The following TRAPPC8 variants were observed in gnomAD, a reference collection of about 807,000 sequenced individuals.
TRAPPC8 encodes general sporulation gene 1 homolog.
TRAPPC8 carries 54 observed loss-of-function variants against 174.3 expected under a neutral mutation model. The ratio of observed to expected loss-of-function variants is 0.31; its 90% CI spans 0.25 to 0.39. The LOEUF (loss-of-function observed/expected upper bound fraction) is 0.39. Ranked by LOEUF, TRAPPC8 falls within the 10% of genes least tolerant of loss-of-function variation. TRAPPC8 has a pLI of 1.00. For synonymous variants in TRAPPC8, 630 were observed against 579.9 expected, an observed-to-expected ratio of 1.09 and a Z score of -1.24; for missense variants, 1,531 against 1,699.1, an observed-to-expected ratio of 0.90 and a Z score of 1.74.
intron 4 of TRAPPC8, among the ~76,000 whole-genome samples, chr18:31,915,119 T>C (rs2145527067): frequency 6.6e-6 from 1 of 152,306 alleles, no homozygotes; most frequent in South Asian, 2.1e-4. Context: ...ACAAGTGTTT[T>C]TGTACAGACT....
At chr18:31,853,465 A>T (rs2033822310) in intron 22 of TRAPPC8, among the ~76,000 whole-genome samples, 1 of 152,038 alleles carries the variant, frequency 6.6e-6, no homozygotes, top group African/African-American at 2.4e-5. Context: ...ACAGGGTTTT[A>T]CCATGTTGGC....
intron 19 of TRAPPC8, among the ~76,000 whole-genome samples, chr18:31,858,239 C>A (rs1383504965): frequency 2.2e-5 from 2 of 92,016 alleles, no homozygotes; most frequent in African/African-American, 8.7e-5. Context: ...CACAAGAGGG[C>A]TAACATGTCA....
chr18:31,851,202 A>G (rs929499837), intron 24 of TRAPPC8, among the ~76,000 whole-genome samples: 1 of 152,178 alleles, frequency 6.6e-6, no homozygotes, highest in Non-Finnish European at 1.5e-5. Flanking sequence ...CAGATTCAGC[A>G]TTTTTCAAAG....
rs781685070 is a variant in TRAPPC8 at position 31,857,809 on chromosome 18, T to C, written c.2919A>G (p.Ser973=). The change falls in exon 20 of 29, where the codon TCA becomes TCG. Residue 973 remains serine (S), a synonymous_variant. Transcript: ENST00000283351. ...TGTAAGCACTACAATTCTCAGAAGC[T>C]GAGGGACTTAGTGGTGTTAGAACAG... ...NTAVLTPLSP[S]ASENCSAYKT... 6.2e-7 allele frequency: 1 copy of C among 1,614,184 alleles called. No homozygotes were observed. The highest frequency in any genetic ancestry group is 8.5e-7 in the Non-Finnish European group (1 of 1,180,032).
chr18:31,938,821 C>T (rs2038208322), intron 1 of TRAPPC8, among the ~76,000 whole-genome samples: 1 of 152,144 alleles, frequency 6.6e-6, no homozygotes, highest in African/African-American at 2.4e-5. Context: ...GTGGCTCATG[C>T]CTGTAATCCC....
At chr18:31,924,327 G>A (rs1479657125) in intron 2 of TRAPPC8, among the ~76,000 whole-genome samples, 1 of 150,990 alleles carries the variant, frequency 6.6e-6, no homozygotes, top group Admixed American at 6.6e-5. Context: ...CGTGGTGGGC[G>A]CCTGTAATCC....
chr18:31,874,324 AGATC>A, intron 13 of TRAPPC8, 152 bp downstream of exon 13: 1 of 691,566 alleles, frequency 1.4e-6, no homozygotes. Flanking sequence ...AATGTAACCA[AGATC>A]TATAGCCAAA....
intron 9 of TRAPPC8, 123 bp downstream of exon 9, chr18:31,907,337 G>C: frequency 1.1e-6 from 1 of 930,594 alleles, no homozygotes; most frequent in Non-Finnish European, 1.5e-6. Flanking sequence ...TTAACAATCT[G>C]TAAAGTACTA....
chr18:31,880,765 T>C (rs1245449947), intron 12 of TRAPPC8, among the ~76,000 whole-genome samples: 1 of 152,112 alleles, frequency 6.6e-6, no homozygotes, highest in Non-Finnish European at 1.5e-5. Flanking sequence ...TAAAGATTCC[T>C]CCTAAAGACA....
At chr18:31,894,030 T>C (rs574607666) in intron 11 of TRAPPC8, among the ~76,000 whole-genome samples, 1 of 152,306 alleles carries the variant, frequency 6.6e-6, no homozygotes, top group South Asian at 2.1e-4. Context: ...GAGAAACCCT[T>C]AGCATTCCCA....
At chr18:31,880,857 T>C (rs1568084245) in intron 12 of TRAPPC8, among the ~76,000 whole-genome samples, 1 of 151,984 alleles carries the variant, frequency 6.6e-6, no homozygotes, top group Non-Finnish European at 1.5e-5. Flanking sequence ...TATACAGTCA[T>C]AAAACTCAGG....
chr18:31,861,298 T>G (rs1568057142), intron 19 of TRAPPC8, among the ~76,000 whole-genome samples: 1 of 152,186 alleles, frequency 6.6e-6, no homozygotes, highest in Non-Finnish European at 1.5e-5. Context: ...AAATACCCTC[T>G]TCAAGAACTG....
chr18:31,931,264 T>C lies in TRAPPC8; in HGVS notation c.352+65A>G, dbSNP rs573128184. ...TACATGTTGATCATCTCCCAAGTCA[T>C]AGAATCGCTTTTTCTAACAAAACGA... On this transcript the variant is annotated intron_variant, in intron 2 of 28. Coordinates refer to ENST00000283351, the MANE Select transcript of TRAPPC8 (RefSeq NM_014939.5). The C allele has an allele frequency of 3.0e-5, 43 of 1,420,844 alleles. 1 individual carries two copies. Among genetic ancestry groups the C allele is most frequent in the South Asian group, 6.3e-5 (4 of 63,084 alleles). The allele number at this position is 1,420,844 out of a possible 1,614,324, so 88.0% of individuals were successfully genotyped here. A position where few individuals can be genotyped will look rare whatever the true frequency, so the allele number is the denominator to read the frequency against.
intron 9 of TRAPPC8, among the ~76,000 whole-genome samples, chr18:31,901,342 T>A (rs574887060): frequency 6.6e-6 from 1 of 152,336 alleles, no homozygotes; most frequent in South Asian, 2.1e-4. Context: ...GAGCAAAGAC[T>A]GCAGTACCTT....
chr18:31,840,870 A>C (rs2033052539), intron 26 of TRAPPC8, among the ~76,000 whole-genome samples: 1 of 152,108 alleles, frequency 6.6e-6, no homozygotes, highest in Non-Finnish European at 1.5e-5. Flanking sequence ...CAACTAACAA[A>C]TTAACCATAT....
intron 16 of TRAPPC8, among the ~76,000 whole-genome samples, chr18:31,867,797 T>C (rs2034659928): frequency 6.6e-6 from 1 of 152,122 alleles, no homozygotes; most frequent in Non-Finnish European, 1.5e-5. Context: ...GAGAACCGCT[T>C]GAACCCGGGA....
chr18:31,888,845 A>G (rs2035835452), intron 12 of TRAPPC8, among the ~76,000 whole-genome samples: 1 of 152,260 alleles, frequency 6.6e-6, no homozygotes, highest in Non-Finnish European at 1.5e-5. Flanking sequence ...TGATGGGTGC[A>G]GCAAACCACC....
intron 16 of TRAPPC8, among the ~76,000 whole-genome samples, chr18:31,869,822 C>G (rs2034756151): frequency 6.6e-6 from 1 of 152,178 alleles, no homozygotes; most frequent in Non-Finnish European, 1.5e-5. Context: ...GGCGCGGTGG[C>G]TCATGCCTGT....
At chr18:31,852,185 A>T (rs896262510) in intron 24 of TRAPPC8, among the ~76,000 whole-genome samples, 1 of 137,890 alleles carries the variant, frequency 7.3e-6, no homozygotes, top group Non-Finnish European at 1.7e-5. Context: ...TATAAAAAAT[A>T]AAAAAACTAG....
Sources: gnomAD v4.1 joint callset for allele counts (sites outside exome capture counted in the v4.1 genomes callset) on GRCh38, gnomAD v4.1.1 for gene constraint, MANE v1.5 for transcripts, NCBI Gene and HGNC (gene_info 2026-07-23, HGNC 2026-07-21) for gene names.